B3GALNT2: variants seen among roughly 807,000 people sequenced by gnomAD.
B3GALNT2 encodes UDP-GalNAc:beta-1,3-N-acetylgalactosaminyltransferase 2.
Under a neutral mutation model 61.1 loss-of-function variants are expected in B3GALNT2, and 53 were observed. That is an observed-to-expected ratio of 0.87 (90% CI 0.70 to 1.09). The LOEUF is 1.09. Among genes scored for constraint, B3GALNT2 ranks in the 50% least tolerant of loss-of-function variants. The pLI is 0.00. For missense variants in B3GALNT2, 544 were observed against 623.0 expected (o/e 0.87, Z 1.35); for synonymous variants, 223 against 237.4 (o/e 0.94, Z 0.56).
At position 235,449,986 on chromosome 1, in the gene B3GALNT2, T is replaced by C. The variant is rs1246218390; in HGVS notation, c.*220A>G. 1 of 413,260 alleles carries C rather than the reference T, an allele frequency of 2.4e-6. No homozygotes were observed. Among genetic ancestry groups the C allele is most frequent in the Non-Finnish European group, 4.2e-6 (1 of 235,822 alleles). The allele number at this position is 413,260 out of a possible 1,614,324, so 25.6% of individuals were successfully genotyped here. ...TGGTATTTTTCTGATAATCTTCCAA[T>C]AGATAAATAAAAACTTTTCTTATGC... On this transcript the variant is annotated 3_prime_UTR_variant, in exon 12 of 12. Transcript: ENST00000366600.
Position 235,448,965 on chromosome 1 carries a change from C to T in B3GALNT2, c.*1241G>A. The stretch of plus-strand genomic sequence containing the variant: ...AGCAATAATAAAGGCTTTGAACCTA[C>T]TAATGATTTTCTGATCTTATTTCAT... On this transcript the variant is annotated 3_prime_UTR_variant, in exon 12 of 12. Transcript: ENST00000366600. 1 of 502,618 alleles carries T rather than the reference C, an allele frequency of 2.0e-6. No individual in the cohort carries two copies. Among genetic ancestry groups the T allele is most frequent in the Non-Finnish European group, 3.6e-6 (1 of 276,308 alleles). 31.1% of individuals were successfully genotyped at this position (502,618 alleles called of 1,614,324 possible). A position where few individuals can be genotyped will look rare whatever the true frequency, so the allele number is the denominator to read the frequency against.
intron 5 of B3GALNT2, among the ~76,000 whole-genome samples, chr1:235,471,685 C>T (rs1684014634): frequency 6.6e-6 from 1 of 152,170 alleles, no homozygotes; most frequent in South Asian, 2.1e-4. Flanking sequence ...GTTTTTGACA[C>T]AGAGCCTCGC....
In B3GALNT2 at chr1:235,504,334, G is replaced by T; in HGVS notation, c.-82C>A. The T allele has an allele frequency of 7.1e-7, 1 of 1,407,148 alleles. No homozygotes were observed. Among genetic ancestry groups the T allele is most frequent in the Non-Finnish European group, 9.3e-7 (1 of 1,072,114 alleles). The allele number at this position is 1,407,148 out of a possible 1,614,324, so 87.2% of individuals were successfully genotyped here. A position where few individuals can be genotyped will look rare whatever the true frequency, so the allele number is the denominator to read the frequency against. ...CTGCAAGTGCGGAGACTGAGGGGCGGCGGCTGACGAGCGACCACTCCGAGC... is the reference window on the plus strand; with the variant it reads ...CTGCAAGTGCGGAGACTGAGGGGCGTCGGCTGACGAGCGACCACTCCGAGC... On this transcript the variant is annotated 5_prime_UTR_variant, in exon 1 of 12. Transcript: ENST00000366600.
the B3GALNT2 span, chr1:235,441,994 A>T: frequency 4.5e-6 from 4 of 892,214 alleles, no homozygotes; most frequent in Non-Finnish European, 6.9e-6. Flanking sequence ...AAATGCCTTG[A>T]GTTTTAAATG....
intron 1 of B3GALNT2, among the ~76,000 whole-genome samples, chr1:235,502,943 A>C (rs533086268): frequency 6.6e-6 from 1 of 152,402 alleles, no homozygotes; most frequent in African/African-American, 2.4e-5. Flanking sequence ...TTAAGTGCAT[A>C]GCAACACTGT....
chr1:235,489,221 A>T lies in B3GALNT2; in HGVS notation c.308T>A (p.Val103Glu). The stretch of plus-strand genomic sequence containing the variant: ...GGAATAAGGATCCTCCCTGTCTTCC[A>T]CAGGCACTTCACAGCCATGAGCACC... ...IIGAHGCEVP[V>E]EDREDPYSCK... The change falls in exon 3 of 12, where the codon GTG becomes GAG. Residue 103 changes from valine (V) to glutamate (E), a missense_variant. Physicochemically the swap from Val to Glu is moderately radical, Grantham distance 121. Transcript: ENST00000366600. 3 of 1,614,100 alleles carry T rather than the reference A, an allele frequency of 1.9e-6. No individual in the cohort carries two copies. The highest frequency in any genetic ancestry group is 2.5e-6 in the Non-Finnish European group (3 of 1,180,006).
chr1:235,478,059 C>T (rs1214522816), intron 5 of B3GALNT2, among the ~76,000 whole-genome samples: 2 of 152,004 alleles, frequency 1.3e-5, no homozygotes, highest in African/African-American at 2.4e-5. Context: ...GTATCTGAAC[C>T]ACTATTCTTT....
At chr1:235,490,730 AAT>A (rs1331374441) in intron 2 of B3GALNT2, among the ~76,000 whole-genome samples, 1 of 151,608 alleles carries the variant, frequency 6.6e-6, no homozygotes, top group Non-Finnish European at 1.5e-5. Context: ...ATAATCTTAT[AAT>A]ATATATTAAA....
chr1:235,499,400 C>T (rs542533336), intron 1 of B3GALNT2, among the ~76,000 whole-genome samples: 213 of 152,236 alleles, frequency 1.4e-3, no homozygotes, highest in Admixed American at 2.3e-3. Context: ...TGTGAAAATA[C>T]ATCAAACTGC....
chr1:235,476,448 G>A (rs573775544), intron 5 of B3GALNT2, among the ~76,000 whole-genome samples: 3 of 151,982 alleles, frequency 2.0e-5, no homozygotes, highest in African/African-American at 7.2e-5. Context: ...GACCTGGTGT[G>A]GTGGCTCAAG....
Position 235,447,786 on chromosome 1 carries a change from A to C in B3GALNT2, c.*2420T>G, listed in dbSNP as rs1314734591. Among the ~76,000 whole-genome samples the C allele has an allele frequency of 6.6e-6, 1 of 152,144 alleles. No individual in the cohort carries two copies. The highest frequency in any genetic ancestry group is 1.5e-5 in the Non-Finnish European group (1 of 67,986). On this transcript the variant is annotated 3_prime_UTR_variant, in exon 12 of 12. Coordinates refer to ENST00000366600, the MANE Select transcript of B3GALNT2 (RefSeq NM_152490.5). ...GATTAAGAAAGAAATACACTACTGA[A>C]ATGGTATGAAACTCACTGTCAAAGG...
intron 8 of B3GALNT2, 60 bp downstream of exon 8, chr1:235,458,543 C>CAAAA: frequency 1.5e-6 from 2 of 1,311,868 alleles, no homozygotes; most frequent in Non-Finnish European, 2.0e-6. Flanking sequence ...GACCCCATCT[C>CAAAA]AAAAAAAAAA....
intron 7 of B3GALNT2, chr1:235,464,287 G>A (rs1683579227): frequency 6.6e-6 from 1 of 151,786 alleles, no homozygotes; most frequent in South Asian, 2.1e-4. Flanking sequence ...TATCTGATAA[G>A]GGACTTGTAT....
rs1332812894 is a variant in B3GALNT2 at position 235,448,247 on chromosome 1, T to C, written c.*1959A>G. 3 of 747,860 alleles carry C rather than the reference T, an allele frequency of 4.0e-6. No individual in the cohort carries two copies. The highest frequency in any genetic ancestry group is 3.7e-5 in the African/African-American group (2 of 54,436). 46.3% of individuals were successfully genotyped at this position (747,860 alleles called of 1,614,324 possible). Reference sequence around the variant, plus strand: ...AAAAAAAAAAAAAAAAAAAGACAGATACAGCTATCATTGCAATGATACTGT... The same window carrying C: ...AAAAAAAAAAAAAAAAAAAGACAGACACAGCTATCATTGCAATGATACTGT... On this transcript the variant is annotated 3_prime_UTR_variant, in exon 12 of 12. Transcript: ENST00000366600.
chr1:235,480,172 A>G (rs1325651346), intron 4 of B3GALNT2, 23 bp from the exon 5 acceptor site: 32 of 1,612,428 alleles, frequency 2.0e-5, no homozygotes, highest in Non-Finnish European at 2.5e-5. Flanking sequence ...AGAAAAAGAC[A>G]AGAAAAAATA....
At chr1:235,488,027 T>TCCA (rs1302468080) in intron 3 of B3GALNT2, among the ~76,000 whole-genome samples, 13 of 152,122 alleles carry the variant, frequency 8.5e-5, no homozygotes, top group Admixed American at 8.5e-4. Context: ...CCCACCGTGG[T>TCCA]GTCCCAAAGT....
At chr1:235,488,015 C>A (rs974274357) in intron 3 of B3GALNT2, among the ~76,000 whole-genome samples, 1 of 152,116 alleles carries the variant, frequency 6.6e-6, no homozygotes. Context: ...TGTGCTCCTC[C>A]TCCCACCGTG....
At chr1:235,443,879 TAACTTACCTTA>T (rs1682066765), downstream of B3GALNT2, among the ~76,000 whole-genome samples, 1 of 152,230 alleles carries the variant, frequency 6.6e-6, no homozygotes, top group Non-Finnish European at 1.5e-5. Flanking sequence ...TAGATCAACA[TAACTTACCTTA>T]AACTTTCACT....
intron 4 of B3GALNT2, among the ~76,000 whole-genome samples, chr1:235,483,957 T>C (rs1684674404): frequency 1.3e-5 from 2 of 152,294 alleles, no homozygotes; most frequent in African/African-American, 2.4e-5. Flanking sequence ...TAGCCTTGTA[T>C]TACAGACTTC....
Sources: gnomAD v4.1 joint callset for allele counts (sites outside exome capture counted in the v4.1 genomes callset) on GRCh38, gnomAD v4.1.1 for gene constraint, MANE v1.5 for transcripts, NCBI Gene and HGNC (gene_info 2026-07-23, HGNC 2026-07-21) for gene names.